The following FAM120A variants were observed in gnomAD, a reference collection of about 807,000 sequenced individuals.
The protein encoded by FAM120A is constitutive coactivator of PPAR-gamma-like protein 1.
Under a neutral mutation model 109.7 loss-of-function variants are expected in FAM120A, and 15 were observed. That is an observed-to-expected ratio of 0.14 (90% CI 0.09 to 0.21). The LOEUF (loss-of-function observed/expected upper bound fraction) is 0.21, where lower values mean the gene tolerates loss of function less well. Among genes scored for constraint, FAM120A ranks in the 10% least tolerant of loss-of-function variants. The probability of loss-of-function intolerance (pLI) is 1.00; values close to 1 mark genes in which losing one functional copy is unlikely to be tolerated. For missense variants in FAM120A, 899 were observed against 1,439.3 expected, an observed-to-expected ratio of 0.62 and a Z score of 6.07; for synonymous variants, 493 against 572.8, an observed-to-expected ratio of 0.86 and a Z score of 1.99.
chr9:93,534,974 A>T (rs1173385244), intron 10 of FAM120A, among the ~76,000 whole-genome samples: 1 of 152,226 alleles, frequency 6.6e-6, no homozygotes, highest in African/African-American at 2.4e-5. Context: ...TATTTTCTGC[A>T]CTGTAGTTTA....
chr9:93,538,533 G>T (rs1194209832), intron 10 of FAM120A, among the ~76,000 whole-genome samples: 1 of 152,172 alleles, frequency 6.6e-6, no homozygotes. Context: ...ACAACCAGAA[G>T]TCTAGTCGGC....
At chr9:93,506,843 A>G (rs1207181628) in intron 5 of FAM120A, among the ~76,000 whole-genome samples, 1 of 151,946 alleles carries the variant, frequency 6.6e-6, no homozygotes, top group African/African-American at 2.4e-5. Context: ...TGATCTGCCC[A>G]CCTCGGCCTC....
Position 93,532,226 on chromosome 9 carries a change from T to C in FAM120A, c.1806T>C (p.Tyr602=). 1 of 1,614,264 alleles carries C rather than the reference T, an allele frequency of 6.2e-7. No individual in the cohort carries two copies. The highest frequency in any genetic ancestry group is 8.5e-7 in the Non-Finnish European group (1 of 1,180,034). Residue 602 remains tyrosine, a synonymous_variant, in exon 10 of 18, where the codon TAT becomes TAC. Coordinates refer to ENST00000277165, the MANE Select transcript of FAM120A (RefSeq NM_014612.5). This position sits in a 1 kb window ranked among gnomAD's most constrained non-coding sequence, Gnocchi z 4.3. ...NKDLPPAALL[Y]RPVRQYVYGV... ...ACCTGCCTCCGGCCGCTCTGCTCTA[T>C]AGGCCAGTTCGTCAGTATGTTTACG...
chr9:93,458,110 A>G (rs1293540017), intron 1 of FAM120A, among the ~76,000 whole-genome samples: 2 of 152,070 alleles, frequency 1.3e-5, no homozygotes, highest in Non-Finnish European at 2.9e-5. Flanking sequence ...CTTATATATT[A>G]TTTATACTGT....
Position 93,564,194 on chromosome 9 carries a change from C to T in FAM120A, c.3046-35C>T, listed in dbSNP as rs757935389. ...TCCTCTCTCTTCTGTTTATCAGAAACCACCTTCTCATTTGTTGTCCTTCAT... is the reference window on the plus strand; with the variant it reads ...TCCTCTCTCTTCTGTTTATCAGAAATCACCTTCTCATTTGTTGTCCTTCAT... On this transcript the variant is annotated intron_variant, in intron 17 of 17. Transcript: ENST00000277165. 8.2e-6 allele frequency: 13 copies of T among 1,579,676 alleles called. No individual in the cohort carries two copies. In the East Asian group the frequency reaches 2.9e-4, roughly 36 times the overall value.
chr9:93,532,397 G>C lies in FAM120A; in HGVS notation c.1909+68G>C, dbSNP rs1425710125. 1 of 1,573,794 alleles carries C rather than the reference G, an allele frequency of 6.4e-7. No homozygotes were observed. The highest frequency in any genetic ancestry group is 1.4e-5 in the African/African-American group (1 of 74,044). ...CGTAATCTCTTGTGCATTTTCTAAA[G>C]CCTTAGAAGAATCATGACTGAGTTG... On this transcript the variant is annotated intron_variant, in intron 10 of 17. Transcript: ENST00000277165. This position sits in a 1 kb window ranked among gnomAD's most constrained non-coding sequence, Gnocchi z 4.3.
At chr9:93,541,267 G>C (rs1861689499) in intron 10 of FAM120A, among the ~76,000 whole-genome samples, 1 of 152,096 alleles carries the variant, frequency 6.6e-6, no homozygotes, top group Non-Finnish European at 1.5e-5. Flanking sequence ...TTTTCTCTTG[G>C]GGTGGAGCAG....
chr9:93,453,807 G>A (rs79469056), intron 1 of FAM120A, among the ~76,000 whole-genome samples: 11,617 of 152,192 alleles, frequency 0.076, 575 homozygotes, highest in Non-Finnish European at 0.1. Context: ...TGTCTGAAGC[G>A]ATCCATCTCC....
At chr9:93,474,977 T>C (rs1422390619) in intron 2 of FAM120A, among the ~76,000 whole-genome samples, 2 of 152,152 alleles carry the variant, frequency 1.3e-5, no homozygotes, top group African/African-American at 2.4e-5. Context: ...GCAGTTACGG[T>C]TCAGATTTGC....
intron 3 of FAM120A, among the ~76,000 whole-genome samples, chr9:93,483,169 T>C (rs1858894801): frequency 6.6e-6 from 1 of 152,232 alleles, no homozygotes; most frequent in Non-Finnish European, 1.5e-5. Context: ...AGTTCTGAAT[T>C]CTGTGAACCC....
intron 10 of FAM120A, among the ~76,000 whole-genome samples, chr9:93,538,587 C>T (rs892785626): frequency 2.6e-5 from 4 of 152,212 alleles, no homozygotes; most frequent in Admixed American, 2.0e-4. Flanking sequence ...TCTTCCTCAC[C>T]TATGAACAGG....
At chr9:93,513,458 G>C (rs1860426394) in intron 5 of FAM120A, among the ~76,000 whole-genome samples, 2 of 152,226 alleles carry the variant, frequency 1.3e-5, no homozygotes, top group African/African-American at 4.8e-5. Flanking sequence ...AGTTAGGAAT[G>C]TGTTGTGTGC....
chr9:93,561,182 C>T lies in FAM120A; in HGVS notation c.2880C>T (p.Ser960=), dbSNP rs775012636. The change falls in exon 16 of 18, where the codon AGC becomes AGT. Residue 960 remains serine (S), a synonymous_variant. Transcript: ENST00000277165. ...CTGTGGTTGGCCATTGGGCTGGGAGCAGGCGGGGCCGTGGGGGCCGGGGGC... is the reference window on the plus strand; with the variant it reads ...CTGTGGTTGGCCATTGGGCTGGGAGTAGGCGGGGCCGTGGGGGCCGGGGGC... The part of the protein sequence containing the change: ...AGTVVGHWAG[S]RRGRGGRGPF... 2.5e-6 allele frequency: 4 copies of T among 1,613,756 alleles called. No homozygotes were observed. The highest frequency in any genetic ancestry group is 2.2e-5 in the South Asian group (2 of 91,036).
intron 3 of FAM120A, among the ~76,000 whole-genome samples, chr9:93,478,296 C>T (rs1349557789): frequency 2.1e-5 from 3 of 142,328 alleles, no homozygotes; most frequent in Admixed American, 1.4e-4. Context: ...TTTTTTTGAT[C>T]GAGATCCAGT....
At chr9:93,508,888 C>T (rs1197749751) in intron 5 of FAM120A, among the ~76,000 whole-genome samples, 1 of 152,198 alleles carries the variant, frequency 6.6e-6, no homozygotes, top group Non-Finnish European at 1.5e-5. Context: ...AACATACCCC[C>T]CAGAATCTGA....
At chr9:93,470,462 G>A (rs2131256520) in intron 1 of FAM120A, among the ~76,000 whole-genome samples, 1 of 152,270 alleles carries the variant, frequency 6.6e-6, no homozygotes, top group Non-Finnish European at 1.5e-5. Context: ...GGATTCAGTA[G>A]AAGTAAAGAG....
At chr9:93,499,499 A>G (rs540588250) in intron 5 of FAM120A, among the ~76,000 whole-genome samples, 3 of 151,990 alleles carry the variant, frequency 2.0e-5, no homozygotes, top group Admixed American at 2.0e-4. Flanking sequence ...TGTTGGCCAG[A>G]CTTGTCTCGA....
intron 7 of FAM120A, among the ~76,000 whole-genome samples, chr9:93,524,810 C>T (rs998043064): frequency 1.3e-5 from 2 of 152,120 alleles, no homozygotes; most frequent in East Asian, 1.9e-4. Context: ...ATTGTGAGAG[C>T]GCCACAGGCT....
intron 1 of FAM120A, among the ~76,000 whole-genome samples, chr9:93,469,069 C>T (rs1186051130): frequency 6.6e-6 from 1 of 152,240 alleles, no homozygotes; most frequent in Admixed American, 6.5e-5. Flanking sequence ...TGCATGGATA[C>T]TCTTCCTTGG....
Sources: gnomAD v4.1 joint callset for allele counts (sites outside exome capture counted in the v4.1 genomes callset) on GRCh38, gnomAD v4.1.1 for gene constraint, Gnocchi (gnomAD v3.1) non-coding constraint, MANE v1.5 for transcripts, NCBI Gene and HGNC (gene_info 2026-07-23, HGNC 2026-07-21) for gene names.